RELN: variants seen among roughly 807,000 people sequenced by gnomAD.
RELN encodes reelin.
A neutral mutation model predicts 427.6 loss-of-function variants in RELN; 108 were observed. That is an observed-to-expected ratio of 0.25 (90% CI 0.22 to 0.30). The LOEUF is 0.30. Ranked by LOEUF, RELN falls within the 10% of genes least tolerant of loss-of-function variation. The pLI is 1.00. For missense variants in RELN, 3,715 were observed against 4,302.8 expected (o/e 0.86, Z 3.82); for synonymous variants, 1,524 against 1,513.4 (o/e 1.01, Z -0.16).
chr7:103,672,788 A>G (rs1833422522), intron 11 of RELN, among the ~76,000 whole-genome samples: 2 of 152,210 alleles, frequency 1.3e-5, no homozygotes, highest in Admixed American at 6.6e-5. Flanking sequence ...TGGCCATATC[A>G]TATTACTGAT....
At chr7:103,958,589 G>A (rs1206617479) in intron 1 of RELN, among the ~76,000 whole-genome samples, 1 of 152,148 alleles carries the variant, frequency 6.6e-6, no homozygotes, top group African/African-American at 2.4e-5. Flanking sequence ...ATCTATGTGT[G>A]TGTGTGTAGG....
At chr7:103,696,116 A>C (rs1833971670) in intron 10 of RELN, among the ~76,000 whole-genome samples, 2 of 152,082 alleles carry the variant, frequency 1.3e-5, no homozygotes, top group Non-Finnish European at 2.9e-5. Flanking sequence ...AGCATTCTCG[A>C]TCTTTCTATT....
rs1020528902 is a variant in RELN at position 103,730,443 on chromosome 7, T to A, written c.657-2236A>T. On this transcript the variant is annotated intron_variant, in intron 6 of 64. Coordinates refer to ENST00000428762, the MANE Select transcript of RELN (RefSeq NM_005045.4). ...CAGTACCTAGATGACAGATGTTTGA[T>A]GTCTTTGGAGAATCACTTCTATGTG... Among the ~76,000 whole-genome samples the A allele has an allele frequency of 2.6e-5, 4 of 152,038 alleles. No homozygotes were observed. The South Asian group carries it at 8.3e-4, about 32-fold the overall frequency.
intron 11 of RELN, 145 bp from the exon 12 acceptor site, chr7:103,661,672 A>G (rs780309123): frequency 2.2e-5 from 17 of 788,434 alleles, no homozygotes; most frequent in Non-Finnish European, 3.1e-5. Context: ...TATTTAGGCA[A>G]TGATTAAACT....
chr7:103,977,550 T>C (rs17157826), intron 1 of RELN, among the ~76,000 whole-genome samples: 1,560 of 152,136 alleles, frequency 0.01, 31 homozygotes, highest in African/African-American at 0.035. Context: ...AGGCCAATAA[T>C]ACTTGTGGTC....
At chr7:103,759,803 A>G (rs1791249857) in intron 4 of RELN, among the ~76,000 whole-genome samples, 1 of 152,000 alleles carries the variant, frequency 6.6e-6, no homozygotes, top group Admixed American at 6.6e-5. Flanking sequence ...ATTACCTCCA[A>G]TTATTTACAG....
chr7:103,656,688 C>G (rs901680803), intron 12 of RELN, among the ~76,000 whole-genome samples: 3 of 151,948 alleles, frequency 2.0e-5, no homozygotes, highest in African/African-American at 7.2e-5. Context: ...TTTGTTTTGA[C>G]AAAGAGTTGA....
intron 2 of RELN, among the ~76,000 whole-genome samples, chr7:103,888,885 G>A (rs148165857): frequency 2.6e-4 from 40 of 152,212 alleles, no homozygotes; most frequent in Middle Eastern, 3.4e-3. Flanking sequence ...CTACATCTCC[G>A]GATGACTCCT....
intron 64 of RELN, among the ~76,000 whole-genome samples, chr7:103,478,149 C>G (rs1828100800): frequency 6.6e-6 from 1 of 152,120 alleles, no homozygotes; most frequent in Non-Finnish European, 1.5e-5. Context: ...GCACTCTGGT[C>G]TATGCTGTTG....
rs114910094 is a variant in RELN at position 103,502,821 on chromosome 7, G to A, written c.8489+195C>T. ...AAAAGCCCATATTGCCAAGTCTGAG[G>A]ATTACAAATTGAGGTCTGAAGTTAG... On this transcript the variant is annotated intron_variant, in intron 52 of 64. Coordinates refer to ENST00000428762, the MANE Select transcript of RELN (RefSeq NM_005045.4). Among the ~76,000 whole-genome samples, 1,404 of 152,262 alleles carry A rather than the reference G, an allele frequency of 9.2e-3. 18 individuals are homozygous for A. Among genetic ancestry groups the A allele is most frequent in the African/African-American group, 0.031 (1,295 of 41,558 alleles).
At chr7:103,783,140 C>G (rs974813557) in intron 3 of RELN, among the ~76,000 whole-genome samples, 1 of 147,172 alleles carries the variant, frequency 6.8e-6, no homozygotes, top group Non-Finnish European at 1.5e-5. Flanking sequence ...CAGCAAATTA[C>G]AGTACTTTCT....
At chr7:103,914,695 A>G (rs1795445854) in intron 2 of RELN, among the ~76,000 whole-genome samples, 1 of 152,138 alleles carries the variant, frequency 6.6e-6, no homozygotes, top group Admixed American at 6.6e-5. Context: ...TAGAGAGGTT[A>G]AACGACTTGG....
chr7:103,701,468 T>G (rs1467611015), intron 8 of RELN, among the ~76,000 whole-genome samples: 2 of 152,110 alleles, frequency 1.3e-5, no homozygotes, highest in Non-Finnish European at 2.9e-5. Flanking sequence ...CATGAGAAAC[T>G]AAAATACTGT....
intron 2 of RELN, among the ~76,000 whole-genome samples, chr7:103,890,524 G>A (rs764073563): frequency 2.7e-5 from 4 of 148,326 alleles, no homozygotes; most frequent in Admixed American, 1.4e-4. Context: ...TACGAGACTC[G>A]AACAATAAAT....
chr7:103,775,519 T>C (rs1017785756), intron 4 of RELN, among the ~76,000 whole-genome samples: 2 of 152,206 alleles, frequency 1.3e-5, no homozygotes, highest in African/African-American at 2.4e-5. Flanking sequence ...CTCATTTCTC[T>C]TGAAAGCCCA....
At chr7:103,588,182 T>C (rs1355803528) in intron 28 of RELN, among the ~76,000 whole-genome samples, 1 of 152,110 alleles carries the variant, frequency 6.6e-6, no homozygotes, top group Non-Finnish European at 1.5e-5. Context: ...GAAATACTAT[T>C]TGGCCATAGA....
rs116846799 is a variant in RELN at position 103,777,823 on chromosome 7, A to C, written c.474-1196T>G. Reference sequence around the variant, plus strand: ...AATCTGATAAATTAATCCATGTTGAAGTGTTAATGGGTGATATCACTTCAA... The same window carrying C: ...AATCTGATAAATTAATCCATGTTGACGTGTTAATGGGTGATATCACTTCAA... On this transcript the variant is annotated intron_variant, in intron 3 of 64. Coordinates refer to ENST00000428762, the MANE Select transcript of RELN (RefSeq NM_005045.4). Among the ~76,000 whole-genome samples the C allele has an allele frequency of 1.0e-3, 154 of 151,792 alleles. 1 individual carries two copies. The East Asian group carries it at 0.026, about 26-fold the overall frequency.
At chr7:103,524,337 G>GA (rs34847065) in intron 46 of RELN, among the ~76,000 whole-genome samples, 19,155 of 151,482 alleles carry the variant, frequency 0.13, 1,542 homozygotes, top group South Asian at 0.29. Context: ...ATTGTACAGA[G>GA]AAAAAAAAGA....
intron 8 of RELN, among the ~76,000 whole-genome samples, chr7:103,717,584 A>G (rs1789971117): frequency 6.6e-6 from 1 of 151,994 alleles, no homozygotes; most frequent in Non-Finnish European, 1.5e-5. Flanking sequence ...CTTAAATAAA[A>G]CACGTATTTA....
Sources: gnomAD v4.1 joint callset for allele counts (sites outside exome capture counted in the v4.1 genomes callset) on GRCh38, gnomAD v4.1.1 for gene constraint, MANE v1.5 for transcripts, NCBI Gene and HGNC (gene_info 2026-07-23, HGNC 2026-07-21) for gene names.